NRXN3: variants seen among roughly 807,000 people sequenced by gnomAD.
NRXN3 encodes neurexin 3, also known as neurexin III.
In NRXN3, 32 loss-of-function variants were observed where a neutral mutation model predicts 137.6. That is an observed-to-expected ratio of 0.23 (90% CI 0.18 to 0.31). The LOEUF is 0.31. Ranked by LOEUF, NRXN3 falls within the 10% of genes least tolerant of loss-of-function variation. NRXN3 has a pLI of 1.00. For missense variants in NRXN3, 1,574 were observed against 2,062.5 expected (o/e 0.76, Z 4.59); for synonymous variants, 798 against 784.5 (o/e 1.02, Z -0.29).
At chr14:78,494,421 G>GTTTTT (rs139596761) in intron 4 of NRXN3, among the ~76,000 whole-genome samples, 2 of 132,494 alleles carry the variant, frequency 1.5e-5, no homozygotes, top group Non-Finnish European at 1.7e-5. Context: ...TACCAGAGGT[G>GTTTTT]TTTTGTTTTT....
At chr14:79,001,829 C>CA (rs2099541952) in intron 15 of NRXN3, among the ~76,000 whole-genome samples, 1 of 152,110 alleles carries the variant, frequency 6.6e-6, no homozygotes, top group Non-Finnish European at 1.5e-5. Flanking sequence ...GGAAGTCTCA[C>CA]AACAGTCTCA....
intron 4 of NRXN3, among the ~76,000 whole-genome samples, chr14:78,381,928 C>G (rs1489495743): frequency 6.6e-6 from 1 of 151,986 alleles, no homozygotes; most frequent in Non-Finnish European, 1.5e-5. Flanking sequence ...CTGTCTAGGC[C>G]TGGGGAGAGG....
At chr14:78,730,269 G>T (rs1466020394) in intron 8 of NRXN3, among the ~76,000 whole-genome samples, 1 of 152,146 alleles carries the variant, frequency 6.6e-6, no homozygotes, top group Non-Finnish European at 1.5e-5. Flanking sequence ...GGGTGACTTT[G>T]CAGCTCTCCT....
chr14:78,488,895 G>A (rs551213206), intron 4 of NRXN3, among the ~76,000 whole-genome samples: 40 of 152,034 alleles, frequency 2.6e-4, no homozygotes, highest in African/African-American at 9.6e-4. Flanking sequence ...GGAGGAAAGA[G>A]ATGAGGAAAG....
intron 19 of NRXN3, among the ~76,000 whole-genome samples, chr14:79,785,281 C>A (rs2099126081): frequency 6.6e-6 from 1 of 152,172 alleles, no homozygotes; most frequent in South Asian, 2.1e-4. Context: ...GTTTGTTAAG[C>A]AGCAAAGGTG....
intron 6 of NRXN3, among the ~76,000 whole-genome samples, chr14:78,662,696 G>T (rs546010202): frequency 1.3e-5 from 2 of 152,130 alleles, no homozygotes; most frequent in Admixed American, 6.5e-5. Flanking sequence ...AAAGAATAAG[G>T]CTAACTGATT....
chr14:79,537,838 C>G (rs1276870547), intron 16 of NRXN3, among the ~76,000 whole-genome samples: 1 of 152,150 alleles, frequency 6.6e-6, no homozygotes, highest in African/African-American at 2.4e-5. Flanking sequence ...AATGGTATTT[C>G]TAGTTCAAGA....
intron 4 of NRXN3, among the ~76,000 whole-genome samples, chr14:78,484,009 CACACACACACACACACACAGAGAGAG>C (rs1567720397): frequency 6.8e-6 from 1 of 147,318 alleles, no homozygotes; most frequent in East Asian, 2.1e-4. Flanking sequence ...CACACACACA[CACACACACACACACACACAGAGAGAG>C]AGAGAGAGAG....
intron 15 of NRXN3, among the ~76,000 whole-genome samples, chr14:79,080,712 G>C (rs2046819916): frequency 6.6e-6 from 1 of 152,156 alleles, no homozygotes; most frequent in Non-Finnish European, 1.5e-5. Flanking sequence ...TGAATGAAAA[G>C]AAGGAAGCCT....
At chr14:78,938,874 T>C (rs1221145329) in intron 10 of NRXN3, among the ~76,000 whole-genome samples, 1 of 145,832 alleles carries the variant, frequency 6.9e-6, no homozygotes. Flanking sequence ...TGAGATGGAG[T>C]CTCGCTGTCG....
intron 10 of NRXN3, among the ~76,000 whole-genome samples, chr14:78,852,660 G>A (rs1299582856): frequency 6.6e-6 from 1 of 152,096 alleles, no homozygotes; most frequent in African/African-American, 2.4e-5. Context: ...TCTTAAGTCA[G>A]GTGGAGGAGC....
chr14:78,816,127 G>T (rs1402897649), intron 10 of NRXN3, among the ~76,000 whole-genome samples: 1 of 152,112 alleles, frequency 6.6e-6, no homozygotes, highest in Non-Finnish European at 1.5e-5. Context: ...ATTTTAGTAT[G>T]ATAGTGGGAT....
At chr14:78,766,816 T>G (rs895486951) in intron 8 of NRXN3, among the ~76,000 whole-genome samples, 1 of 152,172 alleles carries the variant, frequency 6.6e-6, no homozygotes, top group Non-Finnish European at 1.5e-5. Flanking sequence ...TTAATTATAT[T>G]GGGCAGAATT....
chr14:79,409,844 A>G (rs535396627), intron 15 of NRXN3, among the ~76,000 whole-genome samples: 1 of 151,562 alleles, frequency 6.6e-6, no homozygotes, highest in South Asian at 2.1e-4. Flanking sequence ...CTGCATCCTT[A>G]GTTTTTGACA....
intron 4 of NRXN3, among the ~76,000 whole-genome samples, chr14:78,575,463 T>C (rs946446887): frequency 2.6e-5 from 4 of 152,206 alleles, no homozygotes; most frequent in Non-Finnish European, 5.9e-5. Flanking sequence ...ATGGTTTAAA[T>C]AGGATAAAAT....
At chr14:79,560,504 C>CTGTTTTTTTTTT (rs2097481927) in intron 16 of NRXN3, among the ~76,000 whole-genome samples, 1 of 43,770 alleles carries the variant, frequency 2.3e-5, no homozygotes, top group Non-Finnish European at 4.0e-5. Context: ...AGATTGTAAG[C>CTGTTTTTTTTTT]TTTTTTTTTT....
At chr14:79,631,300 C>A (rs535019899) in intron 16 of NRXN3, among the ~76,000 whole-genome samples, 2 of 152,266 alleles carry the variant, frequency 1.3e-5, no homozygotes, top group Non-Finnish European at 2.9e-5. Flanking sequence ...GAGGTGACAA[C>A]GTGCTAGCAG....
At position 79,600,734 on chromosome 14, in the gene NRXN3, A is replaced by G. The variant is rs193243977; in HGVS notation, c.3445-63044A>G. ...AACGCGAAATACCAGGGGTACTAGC[A>G]CCCAGGTCTTTGCTTCTAATGCCAT... On this transcript the variant is annotated intron_variant, in intron 16 of 20. Coordinates refer to ENST00000335750, the MANE Select transcript of NRXN3 (RefSeq NM_001330195.2). Among the ~76,000 whole-genome samples the G allele has an allele frequency of 5.9e-5, 9 of 152,282 alleles. No homozygotes were observed. The East Asian group carries it at 1.7e-3, about 29-fold the overall frequency.
chr14:79,521,664 C>G (rs1344477808), intron 16 of NRXN3, among the ~76,000 whole-genome samples: 1 of 152,062 alleles, frequency 6.6e-6, no homozygotes. Flanking sequence ...AATTTACTTC[C>G]TACTTTCTGT....
Sources: allele counts gnomAD v4.1 joint callset (sites outside exome capture counted in the v4.1 genomes callset), GRCh38; gene constraint gnomAD v4.1.1; transcripts MANE v1.5; gene names NCBI Gene and HGNC (gene_info 2026-07-23, HGNC 2026-07-21).